The following PKHD1 variants were observed in gnomAD, a reference collection of about 807,000 sequenced individuals.
PKHD1 encodes the protein PKHD1 ciliary IPT domain containing fibrocystin/polyductin.
In PKHD1, 291 loss-of-function variants were observed where a neutral mutation model predicts 412.0. The ratio of observed to expected loss-of-function variants is 0.71; its 90% CI spans 0.64 to 0.78. The LOEUF is 0.78. Among genes scored for constraint, PKHD1 ranks in the 30% least tolerant of loss-of-function variants. The pLI is 0.00. For synonymous variants in PKHD1, 1,777 were observed against 1,821.5 expected (o/e 0.98, Z 0.62); for missense variants, 4,825 against 4,950.7 (o/e 0.97, Z 0.76).
intron 37 of PKHD1, among the ~76,000 whole-genome samples, chr6:51,928,182 C>T (rs1452025734): frequency 6.6e-6 from 1 of 152,076 alleles, no homozygotes; most frequent in Non-Finnish European, 1.5e-5. Context: ...CAAGTTGAAG[C>T]TTTGTGGGTG....
chr6:52,030,338 A>T (rs142118287), intron 29 of PKHD1, among the ~76,000 whole-genome samples: 5 of 152,134 alleles, frequency 3.3e-5, no homozygotes, highest in Non-Finnish European at 5.9e-5. Context: ...AGCCCATCCC[A>T]TGTGGTTTGT....
intron 36 of PKHD1, among the ~76,000 whole-genome samples, chr6:51,943,133 T>C (rs1561944876): frequency 6.6e-6 from 1 of 151,508 alleles, no homozygotes; most frequent in Non-Finnish European, 1.5e-5. Flanking sequence ...TGGCCTTTAT[T>C]AGTCAAATCA....
At chr6:51,917,404 C>T (rs926868243) in intron 37 of PKHD1, among the ~76,000 whole-genome samples, 9 of 152,114 alleles carry the variant, frequency 5.9e-5, no homozygotes, top group African/African-American at 9.6e-5. Context: ...ACATTTGTCA[C>T]GCACTAGGAA....
rs2128227926 is a variant in PKHD1 at position 52,069,449 on chromosome 6, G to A, written c.778+8C>T. 1.3e-6 allele frequency: 2 copies of A among 1,591,742 alleles called. No homozygotes were observed. The highest frequency in any genetic ancestry group is 1.7e-6 in the Non-Finnish European group (2 of 1,159,552). On this transcript the variant is annotated splice_region_variant and intron_variant, in intron 11 of 66. Coordinates refer to ENST00000371117, the MANE Select transcript of PKHD1 (RefSeq NM_138694.4). ...AGGGAAGGGGTACTTGGTGAAGGGG[G>A]ATAGTACCTGAGTGTGTCTGGTATA... is the stretch of plus-strand genomic sequence containing the variant.
chr6:51,887,109 A>G (rs1778329611), intron 44 of PKHD1, 24 bp downstream of exon 44: 2 of 1,396,246 alleles, frequency 1.4e-6, no homozygotes, highest in Non-Finnish European at 2.0e-6. Context: ...CAGCCAAAAC[A>G]TAGATGAATT....
chr6:51,821,813 AG>A (rs1207035188), intron 52 of PKHD1, among the ~76,000 whole-genome samples: 1 of 152,080 alleles, frequency 6.6e-6, no homozygotes. Context: ...CAGCCTCCCA[AG>A]TAGCTGGGAT....
chr6:51,704,047 T>C (rs1224484828), intron 60 of PKHD1, among the ~76,000 whole-genome samples: 7 of 152,048 alleles, frequency 4.6e-5, no homozygotes, highest in Non-Finnish European at 1.5e-5. Context: ...GAGGCACTAA[T>C]GAGATCAGAA....
chr6:51,694,936 T>C (rs572146167), intron 60 of PKHD1, among the ~76,000 whole-genome samples: 3 of 59,964 alleles, frequency 5.0e-5, no homozygotes, highest in African/African-American at 1.8e-4. Context: ...TTTCTTCCAA[T>C]GGCACTGACT....
intron 60 of PKHD1, among the ~76,000 whole-genome samples, chr6:51,741,651 C>T (rs1201272216): frequency 1.3e-5 from 2 of 152,142 alleles, no homozygotes; most frequent in African/African-American, 2.4e-5. Context: ...GACTTGAGCG[C>T]CAGCTTCCAC....
chr6:52,039,026 C>T (rs1804396034), intron 27 of PKHD1, among the ~76,000 whole-genome samples: 1 of 152,142 alleles, frequency 6.6e-6, no homozygotes, highest in African/African-American at 2.4e-5. Context: ...TAAGAACTTA[C>T]ACCTCAACAA....
chr6:52,048,256 C>G (rs1267287470), intron 23 of PKHD1, among the ~76,000 whole-genome samples: 1 of 152,240 alleles, frequency 6.6e-6, no homozygotes, highest in East Asian at 1.9e-4. Flanking sequence ...CTGATCCACT[C>G]AGTTTCCACA....
intron 50 of PKHD1, among the ~76,000 whole-genome samples, chr6:51,839,079 G>T (rs1390839417): frequency 2.0e-5 from 3 of 152,150 alleles, no homozygotes; most frequent in Non-Finnish European, 4.4e-5. Context: ...ATGAGCTGTA[G>T]TATTACAGAG....
chr6:51,872,068 A>G (rs907137520), intron 46 of PKHD1, among the ~76,000 whole-genome samples: 12 of 152,202 alleles, frequency 7.9e-5, no homozygotes, highest in Admixed American at 7.2e-4. Flanking sequence ...AGAAAGTAGA[A>G]CAAAAAGACA....
chr6:51,711,436 C>T (rs145703951), intron 60 of PKHD1, among the ~76,000 whole-genome samples: 1 of 152,326 alleles, frequency 6.6e-6, no homozygotes, highest in Non-Finnish European at 1.5e-5. Flanking sequence ...TTGTCTCTAT[C>T]CCTGAGCTTT....
At chr6:51,686,845 T>C (rs1777509715) in intron 60 of PKHD1, among the ~76,000 whole-genome samples, 1 of 152,218 alleles carries the variant, frequency 6.6e-6, no homozygotes, top group South Asian at 2.1e-4. Context: ...AAATTGAACA[T>C]TCAAGTTGAA....
At chr6:52,022,756 C>T (rs1473086700) in intron 33 of PKHD1, 45 bp downstream of exon 33, 2 of 1,580,494 alleles carry the variant, frequency 1.3e-6, no homozygotes, top group Non-Finnish European at 1.7e-6. Context: ...AATATCATTT[C>T]CATATATATG....
chr6:51,981,759 G>T (rs1359849172), intron 35 of PKHD1, among the ~76,000 whole-genome samples: 1 of 143,020 alleles, frequency 7.0e-6, no homozygotes, highest in Non-Finnish European at 1.6e-5. Flanking sequence ...GAAGTGAGGA[G>T]CGTCTCTGCT....
chr6:51,879,054 C>T (rs1240649175), intron 46 of PKHD1, among the ~76,000 whole-genome samples: 10 of 88,988 alleles, frequency 1.1e-4, no homozygotes, highest in African/African-American at 4.1e-4. Flanking sequence ...ATCCAACTTA[C>T]AAGGGATGTG....
chr6:51,623,338 G>T (rs2150258649), intron 66 of PKHD1, among the ~76,000 whole-genome samples: 1 of 151,934 alleles, frequency 6.6e-6, no homozygotes, highest in East Asian at 1.9e-4. Flanking sequence ...ACATAACACT[G>T]GTTAAGACTT....
Sources: allele counts gnomAD v4.1 joint callset (sites outside exome capture counted in the v4.1 genomes callset), GRCh38; gene constraint gnomAD v4.1.1; transcripts MANE v1.5; gene names NCBI Gene and HGNC (gene_info 2026-07-23, HGNC 2026-07-21).